The following MEIS2 variants were observed in gnomAD, a reference collection of about 807,000 sequenced individuals.
MEIS2 encodes the protein homeobox protein Meis2.
Under a neutral mutation model 58.6 loss-of-function variants are expected in MEIS2, and 9 were observed. The observed-to-expected ratio is 0.15, with a 90% confidence interval of 0.09 to 0.27. The LOEUF (loss-of-function observed/expected upper bound fraction) is 0.27, where lower values mean the gene tolerates loss of function less well. Ranked by LOEUF, MEIS2 falls within the 10% of genes least tolerant of loss-of-function variation. MEIS2 has a pLI of 1.00. For missense variants in MEIS2, 427 were observed against 635.0 expected (o/e 0.67, Z 3.52); for synonymous variants, 221 against 228.4 (o/e 0.97, Z 0.29).
At chr15:36,925,465 C>T (rs1381627968) in intron 9 of MEIS2, among the ~76,000 whole-genome samples, 1 of 151,992 alleles carries the variant, frequency 6.6e-6, no homozygotes, top group Non-Finnish European at 1.5e-5. Flanking sequence ...AAGGGTGAGG[C>T]GGCTGCTTTG....
intron 9 of MEIS2, among the ~76,000 whole-genome samples, chr15:36,946,053 T>C (rs140229628): frequency 1.3e-5 from 2 of 152,086 alleles, no homozygotes; most frequent in African/African-American, 4.8e-5. Context: ...AACATTTAAG[T>C]TAATATTATA....
chr15:36,908,705 CAGCACTTT>C (rs2056859135), intron 9 of MEIS2, among the ~76,000 whole-genome samples: 1 of 152,126 alleles, frequency 6.6e-6, no homozygotes, highest in Admixed American at 6.5e-5. Context: ...CCTGTAATCC[CAGCACTTT>C]GGGAGACCGA....
intron 7 of MEIS2, among the ~76,000 whole-genome samples, chr15:37,051,655 G>A (rs977389810): frequency 2.6e-5 from 4 of 152,114 alleles, no homozygotes; most frequent in African/African-American, 9.7e-5. Context: ...AATAAGCAAA[G>A]TACAGTTAAA....
chr15:36,925,453 A>G (rs1359425875), intron 9 of MEIS2, among the ~76,000 whole-genome samples: 1 of 152,248 alleles, frequency 6.6e-6, no homozygotes, highest in Non-Finnish European at 1.5e-5. Context: ...CAGAGACCAC[A>G]CAAGGGTGAG....
intron 11 of MEIS2, among the ~76,000 whole-genome samples, chr15:36,894,069 C>A (rs1377100965): frequency 2.6e-5 from 4 of 152,150 alleles, no homozygotes; most frequent in Non-Finnish European, 5.9e-5. Flanking sequence ...AAAATCCATT[C>A]CTTCATATTC....
At chr15:37,099,291 G>T (rs1894806109) in intron 1 of MEIS2, 164 bp downstream of exon 1, 1 of 1,491,294 alleles carries the variant, frequency 6.7e-7, no homozygotes, top group Non-Finnish European at 8.9e-7. Flanking sequence ...CAGAGGCACG[G>T]GAGGGAAAGA....
chr15:36,954,311 A>T (rs1223443083), intron 8 of MEIS2, among the ~76,000 whole-genome samples: 1 of 151,436 alleles, frequency 6.6e-6, no homozygotes, highest in Non-Finnish European at 1.5e-5. Context: ...GCGCAAAAAA[A>T]ATCTGGAAAA....
intron 8 of MEIS2, among the ~76,000 whole-genome samples, chr15:36,983,745 T>C (rs547157255): frequency 1.3e-5 from 2 of 152,180 alleles, no homozygotes; most frequent in East Asian, 1.9e-4. Context: ...AGTATGGACA[T>C]TTTAACAATA....
intron 8 of MEIS2, among the ~76,000 whole-genome samples, chr15:36,982,116 C>T (rs1411183016): frequency 1.3e-5 from 2 of 152,128 alleles, no homozygotes; most frequent in Non-Finnish European, 2.9e-5. Context: ...ACTGCACAAG[C>T]CAATTCACAC....
chr15:37,050,338 T>C (rs1286855129), intron 7 of MEIS2, among the ~76,000 whole-genome samples: 1 of 152,224 alleles, frequency 6.6e-6, no homozygotes, highest in Non-Finnish European at 1.5e-5. Flanking sequence ...TAGGCTTTTA[T>C]TAAATGAATG....
intron 8 of MEIS2, among the ~76,000 whole-genome samples, chr15:37,014,176 ACTG>A (rs1484528656): frequency 6.6e-6 from 1 of 152,230 alleles, no homozygotes; most frequent in Non-Finnish European, 1.5e-5. Flanking sequence ...TCTTAAACCC[ACTG>A]CTTAGATATA....
At chr15:36,952,171 G>A (rs975083729) in intron 8 of MEIS2, among the ~76,000 whole-genome samples, 18 of 152,218 alleles carry the variant, frequency 1.2e-4, no homozygotes, top group African/African-American at 4.3e-4. Flanking sequence ...GCTCATCACT[G>A]ACGCCAGTGT....
At chr15:36,928,143 G>T (rs753989673) in intron 9 of MEIS2, among the ~76,000 whole-genome samples, 9 of 152,066 alleles carry the variant, frequency 5.9e-5, no homozygotes, top group Non-Finnish European at 1.2e-4. Context: ...AAACAAAAAC[G>T]TTGCATAATA....
At position 36,995,985 on chromosome 15, in the gene MEIS2, A is replaced by G. The variant is rs1408216314; in HGVS notation, c.900+40829T>C. ...TATATATATATATATATATATATAT[A>G]TATATATATATATATATGTATATAT... On this transcript the variant is annotated intron_variant, in intron 8 of 11. Transcript: ENST00000561208. Among the ~76,000 whole-genome samples, 306 of 102,602 alleles carry G rather than the reference A, an allele frequency of 3.0e-3. 4 individuals are homozygous for G. Among genetic ancestry groups the G allele is most frequent in the South Asian group, 0.019 (65 of 3,422 alleles). The allele number at this position is 102,602 out of a possible 152,430, so 67.3% of individuals were successfully genotyped here.
chr15:36,925,112 G>C (rs528865647), intron 9 of MEIS2, among the ~76,000 whole-genome samples: 2 of 151,880 alleles, frequency 1.3e-5, no homozygotes. Flanking sequence ...TCTTTGTAAG[G>C]GCAGCCCTAG....
intron 9 of MEIS2, among the ~76,000 whole-genome samples, chr15:36,904,812 C>T (rs1385962853): frequency 3.3e-5 from 5 of 152,026 alleles, no homozygotes; most frequent in Non-Finnish European, 7.4e-5. Flanking sequence ...TGACTTTCCC[C>T]GAGTAACTTA....
At chr15:37,083,701 T>C in intron 7 of MEIS2, 70 bp downstream of exon 7, 3 of 1,290,078 alleles carry the variant, frequency 2.3e-6, no homozygotes, top group African/African-American at 1.5e-5. Context: ...GCAGATGTAC[T>C]GATATCATAA....
intron 10 of MEIS2, among the ~76,000 whole-genome samples, chr15:36,896,365 C>T (rs1006235132): frequency 1.3e-5 from 2 of 152,200 alleles, no homozygotes; most frequent in Non-Finnish European, 1.5e-5. Context: ...CACAAACACG[C>T]TGCTTGTGGC....
At chr15:37,043,503 T>C (rs981332882) in intron 7 of MEIS2, among the ~76,000 whole-genome samples, 2 of 152,128 alleles carry the variant, frequency 1.3e-5, no homozygotes, top group Admixed American at 6.5e-5. Context: ...TTTATGTAAA[T>C]TAAATTGTCA....
Sources: allele counts gnomAD v4.1 joint callset (sites outside exome capture counted in the v4.1 genomes callset), GRCh38; gene constraint gnomAD v4.1.1; transcripts MANE v1.5; gene names NCBI Gene and HGNC (gene_info 2026-07-23, HGNC 2026-07-21).